CHST10: variants seen among roughly 807,000 people sequenced by gnomAD.
CHST10 encodes the protein carbohydrate sulfotransferase 10.
A neutral mutation model predicts 34.7 loss-of-function variants in CHST10; 24 were observed. That is an observed-to-expected ratio of 0.69 (90% CI 0.50 to 0.97). CHST10 has a LOEUF of 0.97. Ranked by LOEUF, CHST10 falls within the 50% of genes least tolerant of loss-of-function variation. The pLI is 0.00. For missense variants in CHST10, 402 were observed against 452.1 expected (o/e 0.89, Z 1.00); for synonymous variants, 161 against 169.3 (o/e 0.95, Z 0.38).
chr2:100,410,105 C>T (rs1284417570), intron 2 of CHST10, among the ~76,000 whole-genome samples: 1 of 152,236 alleles, frequency 6.6e-6, no homozygotes, highest in Non-Finnish European at 1.5e-5. Context: ...ATTTCAAGCA[C>T]AGCTGCCTGC....
intron 3 of CHST10, among the ~76,000 whole-genome samples, chr2:100,403,332 T>C (rs933013453): frequency 6.6e-6 from 1 of 152,190 alleles, no homozygotes; most frequent in African/African-American, 2.4e-5. Context: ...AGTCTTGCCA[T>C]ATGATTCCAT....
intron 4 of CHST10, among the ~76,000 whole-genome samples, chr2:100,399,184 A>G (rs1192033778): frequency 6.6e-6 from 1 of 151,488 alleles, no homozygotes; most frequent in Non-Finnish European, 1.5e-5. Flanking sequence ...GCTCACTGCA[A>G]GCTCCGCCTC....
chr2:100,401,961 C>T (rs372999816), intron 4 of CHST10, among the ~76,000 whole-genome samples: 8 of 152,146 alleles, frequency 5.3e-5, no homozygotes, highest in Non-Finnish European at 1.2e-4. Context: ...AAGTGAGAGG[C>T]CTTCCAGAGT....
At chr2:100,413,550 C>T (rs922854799) in intron 2 of CHST10, among the ~76,000 whole-genome samples, 1 of 152,206 alleles carries the variant, frequency 6.6e-6, no homozygotes. Flanking sequence ...AATCTTCCCC[C>T]TTCCCCACCT....
chr2:100,396,563 G>A (rs889798852), intron 5 of CHST10, among the ~76,000 whole-genome samples: 2 of 152,140 alleles, frequency 1.3e-5, no homozygotes, highest in Non-Finnish European at 2.9e-5. Context: ...TTCCTCCCCC[G>A]AGTGTTTAAA....
chr2:100,403,017 G>A (rs551786218), intron 3 of CHST10, among the ~76,000 whole-genome samples: 68 of 152,156 alleles, frequency 4.5e-4, no homozygotes, highest in African/African-American at 1.5e-3. Flanking sequence ...CTCCAGATAG[G>A]GAAAAAATAT....
Position 100,393,677 on chromosome 2 carries a change from G to C in CHST10, c.639C>G (p.Tyr213Ter). ...FVHNPRFEPW[Y>*]RHEIAPGIIR... is the part of the protein sequence containing the mutation. ...TGATGCCAGGAGCAATCTCATGCCT[G>C]TACCAAGGCTCAAACCGGGGATTGT... The change falls in exon 7 of 7, where the codon TAC (tyrosine) becomes TAG (stop). Residue 213 changes from tyrosine to a stop codon, truncating the protein, a stop_gained. Coordinates refer to ENST00000264249, the MANE Select transcript of CHST10 (RefSeq NM_004854.5). LOFTEE classifies it high-confidence loss of function. 6.2e-7 allele frequency: 1 copy of C among 1,614,078 alleles called. No individual in the cohort carries two copies. Among genetic ancestry groups the C allele is most frequent in the East Asian group, 2.2e-5 (1 of 44,886 alleles).
At chr2:100,395,637 G>A in intron 5 of CHST10, 23 bp from the exon 6 acceptor site, 1 of 1,600,756 alleles carries the variant, frequency 6.2e-7, no homozygotes, top group Admixed American at 1.7e-5. Flanking sequence ...CGGAAAGGAA[G>A]GCAGGTTGGC....
At position 100,414,710 on chromosome 2, in the gene CHST10, A is replaced by G. The variant is rs376020881; in HGVS notation, c.-33+331T>C. Among the ~76,000 whole-genome samples the G allele has an allele frequency of 1.2e-4, 18 of 152,224 alleles. No individual in the cohort carries two copies. The East Asian group carries it at 3.5e-3, about 29-fold the overall frequency. ...ATTTACCGCCTTGGAACGATTAACC[A>G]CCCTTAGTTAGGAGAATGAAAACAC... On this transcript the variant is annotated intron_variant, in intron 2 of 6. Coordinates refer to ENST00000264249, the MANE Select transcript of CHST10 (RefSeq NM_004854.5).
intron 2 of CHST10, among the ~76,000 whole-genome samples, chr2:100,410,214 C>T (rs973480755): frequency 5.3e-5 from 8 of 152,252 alleles, no homozygotes; most frequent in Non-Finnish European, 8.8e-5. Context: ...GAGCTGCTCC[C>T]GGCCACTGGG....
At chr2:100,404,558 C>CT (rs1558641204) in intron 3 of CHST10, among the ~76,000 whole-genome samples, 1 of 152,210 alleles carries the variant, frequency 6.6e-6, no homozygotes, top group Admixed American at 6.5e-5. Context: ...CCTACACTTG[C>CT]TTTTTTTCTA....
chr2:100,405,006 C>G (rs1309004378), intron 3 of CHST10, among the ~76,000 whole-genome samples: 1 of 152,172 alleles, frequency 6.6e-6, no homozygotes, highest in Non-Finnish European at 1.5e-5. Context: ...CACTGGGTCT[C>G]AAGCAGCAGC....
chr2:100,393,296 T>C lies in CHST10; in HGVS notation c.1020A>G (p.Glu340=), dbSNP rs2104295827. 1 of 1,614,172 alleles carries C rather than the reference T, an allele frequency of 6.2e-7. No homozygotes were observed. The highest frequency in any genetic ancestry group is 8.5e-7 in the Non-Finnish European group (1 of 1,180,030). ...GGTACCCAAAGAGCTTAAAGTCCCCTTCGAAACGGGCATACAGGCGTCGGA... is the reference window on the plus strand; with the variant it reads ...GGTACCCAAAGAGCTTAAAGTCCCCCTCGAAACGGGCATACAGGCGTCGGA... The part of the protein sequence containing the change: ...RDIRRLYARF[E]GDFKLFGYQK... The change falls in exon 7 of 7, where the codon GAA becomes GAG. Residue 340 remains glutamate, a synonymous_variant. Transcript: ENST00000264249.
chr2:100,417,173 G>C, intron 1 of CHST10: 1 of 714,658 alleles, frequency 1.4e-6, no homozygotes, highest in Non-Finnish European at 2.1e-6. Context: ...GCACAAGGAC[G>C]CCTTCTTATT....
chr2:100,416,856 C>A, intron 1 of CHST10: 1 of 722,090 alleles, frequency 1.4e-6, no homozygotes. Context: ...ACCTTCCCAG[C>A]CAGAAGTGCA....
At chr2:100,413,760 G>A (rs962717340) in intron 2 of CHST10, among the ~76,000 whole-genome samples, 4 of 152,120 alleles carry the variant, frequency 2.6e-5, no homozygotes, top group African/African-American at 9.7e-5. Flanking sequence ...GAAGCACAGC[G>A]CCTTTCTTAC....
intron 2 of CHST10, among the ~76,000 whole-genome samples, chr2:100,413,730 C>G (rs1675943095): frequency 6.6e-6 from 1 of 152,184 alleles, no homozygotes; most frequent in African/African-American, 2.4e-5. Flanking sequence ...AGCTTTTCCC[C>G]ATGTCTGAGT....
rs199645523 is a variant in CHST10, at chr2:100,414,381, C to CAA, written c.-33+658_-33+659dup. ...GAAACTTCACACACACACACACACA[C>CAA]AAAAACCTGGTAATGTACAAGGAAC... On this transcript the variant is annotated intron_variant, in intron 2 of 6. Transcript: ENST00000264249. Among the ~76,000 whole-genome samples, 758 of 152,038 alleles carry CAA rather than the reference C, an allele frequency of 5.0e-3. 10 individuals carry two copies. The highest frequency in any genetic ancestry group is 0.034 in the Admixed American group (518 of 15,268).
intron 2 of CHST10, among the ~76,000 whole-genome samples, chr2:100,408,852 C>T (rs1383340236): frequency 6.6e-6 from 1 of 151,782 alleles, no homozygotes; most frequent in Non-Finnish European, 1.5e-5. Context: ...AGAGCACCCC[C>T]CTGAAAAATG....
Sources: allele counts gnomAD v4.1 joint callset (sites outside exome capture counted in the v4.1 genomes callset), GRCh38; gene constraint gnomAD v4.1.1; transcripts MANE v1.5; gene names NCBI Gene and HGNC (gene_info 2026-07-23, HGNC 2026-07-21).